POLA2: variants seen among roughly 807,000 people sequenced by gnomAD.
POLA2 encodes the protein DNA polymerase alpha subunit B.
In POLA2, 47 loss-of-function variants were observed where a neutral mutation model predicts 82.8. The ratio of observed to expected loss-of-function variants is 0.57; its 90% CI spans 0.45 to 0.72. The LOEUF is 0.72. POLA2 is among the 30% of genes least tolerant of loss of function. The pLI is 0.00. For missense variants in POLA2, 634 were observed against 728.1 expected (o/e 0.87, Z 1.49); for synonymous variants, 287 against 286.8 (o/e 1.00, Z -0.01).
intron 13 of POLA2, among the ~76,000 whole-genome samples, chr11:65,293,891 GA>G (rs1398925321): frequency 1.1e-4 from 17 of 152,252 alleles, no homozygotes; most frequent in African/African-American, 2.9e-4. Flanking sequence ...CCTCTCAGTA[GA>G]AAGCCACACA....
At chr11:65,294,291 C>T (rs774276544) in intron 14 of POLA2, 30 bp downstream of exon 14, 2 of 1,552,554 alleles carry the variant, frequency 1.3e-6, no homozygotes, top group East Asian at 2.2e-5. Context: ...GACCAGCAGG[C>T]AGCCAGAATC....
intron 4 of POLA2, among the ~76,000 whole-genome samples, chr11:65,275,204 C>T (rs944453321): frequency 6.6e-6 from 1 of 152,118 alleles, no homozygotes. Context: ...AGCCCTAGGG[C>T]AGGGAAAGCT....
chr11:65,276,326 G>T (rs970881391), intron 5 of POLA2, among the ~76,000 whole-genome samples: 2 of 151,994 alleles, frequency 1.3e-5, no homozygotes, highest in African/African-American at 4.8e-5. Context: ...GTCAGTAGAG[G>T]CAAGTAGGTT....
In POLA2 at chr11:65,267,527, T is replaced by A. The variant is rs1949474354; in HGVS notation, c.255T>A (p.Ser85Arg). 1 of 1,612,500 alleles carries A rather than the reference T, an allele frequency of 6.2e-7. No individual in the cohort carries two copies. Residue 85 changes from serine (S) to arginine (R), a missense_variant, in exon 3 of 18, where the codon AGT (serine) becomes AGA (arginine). Physicochemically the swap from Ser to Arg is moderately radical, Grantham distance 110 (BLOSUM62 -1). Transcript: ENST00000265465. Reference sequence around the variant, plus strand: ...CCAGGCATAGTACCTGCAAGGACAGTGGCCATGCAGGAGCTAGAGACATTG... The same window carrying A: ...CCAGGCATAGTACCTGCAAGGACAGAGGCCATGCAGGAGCTAGAGACATTG... ...SKARHSTCKD[S>R]GHAGARDIVS...
rs775224583 is a variant in POLA2, at chr11:65,278,925, T to TGA, written c.655+3_655+4dup. 76 of 1,611,882 alleles carry TGA rather than the reference T, an allele frequency of 4.7e-5. No individual in the cohort carries two copies. Among genetic ancestry groups the TGA allele is most frequent in the Non-Finnish European group, 6.0e-5 (71 of 1,179,504 alleles). On this transcript the variant is annotated splice_region_variant and intron_variant, in intron 6 of 17. Coordinates refer to ENST00000265465, the MANE Select transcript of POLA2 (RefSeq NM_002689.4). Reference sequence around the variant, plus strand: ...AGAAGCTCCCAGACATTCGAGAAGGTGATTGTTTTTCCCTTTGAAATTCTG... The same window carrying TGA: ...AGAAGCTCCCAGACATTCGAGAAGGTGAGATTGTTTTTCCCTTTGAAATTCTG...
chr11:65,301,946 C>T (rs1949861274), downstream of POLA2, among the ~76,000 whole-genome samples: 1 of 152,180 alleles, frequency 6.6e-6, no homozygotes, highest in Non-Finnish European at 1.5e-5. Context: ...GCCCTCAGAC[C>T]CAGCTGGACT....
chr11:65,272,245 G>T (rs995767107), intron 4 of POLA2, among the ~76,000 whole-genome samples: 1 of 152,148 alleles, frequency 6.6e-6, no homozygotes, highest in Non-Finnish European at 1.5e-5. Flanking sequence ...GGAGGCGGAG[G>T]TTGCAGTGAG....
At chr11:65,281,922 CTT>C (rs1177555123) in intron 9 of POLA2, among the ~76,000 whole-genome samples, 190 bp downstream of exon 9, 1 of 152,192 alleles carries the variant, frequency 6.6e-6, no homozygotes, top group Non-Finnish European at 1.5e-5. Context: ...GACAGTAACT[CTT>C]TTAGACTTTG....
At chr11:65,279,659 A>T in intron 7 of POLA2, 33 bp downstream of exon 7, 1 of 1,433,614 alleles carries the variant, frequency 7.0e-7, no homozygotes, top group Non-Finnish European at 9.7e-7. Flanking sequence ...TCACTAATTA[A>T]TATTACGTTT....
Position 65,278,899 on chromosome 11 carries a change from C to A in POLA2, c.631C>A (p.Gln211Lys). 6.2e-7 allele frequency: 1 copy of A among 1,613,396 alleles called. No homozygotes were observed. Among genetic ancestry groups the A allele is most frequent in the Non-Finnish European group, 8.5e-7 (1 of 1,179,958 alleles). Residue 211 changes from glutamine (Q) to lysine (K), a missense_variant, in exon 6 of 18, where the codon CAG becomes AAG. Coordinates refer to ENST00000265465, the MANE Select transcript of POLA2 (RefSeq NM_002689.4). Reference sequence around the variant, plus strand: ...AACTGGGAGCTACAAATCCATGTTTCAGAAGCTCCCAGACATTCGAGAAGG... The same window carrying A: ...AACTGGGAGCTACAAATCCATGTTTAAGAAGCTCCCAGACATTCGAGAAGG... ...ALTGSYKSMF[Q>K]KLPDIREVLT...
intron 4 of POLA2, among the ~76,000 whole-genome samples, chr11:65,272,137 C>G (rs1253055435): frequency 6.6e-6 from 1 of 152,030 alleles, no homozygotes; most frequent in African/African-American, 2.4e-5. Flanking sequence ...TGGTGAAACC[C>G]CATCGCTACA....
chr11:65,300,844 A>G (rs2137618436), downstream of POLA2, among the ~76,000 whole-genome samples: 1 of 152,250 alleles, frequency 6.6e-6, no homozygotes, highest in Middle Eastern at 3.4e-3. Flanking sequence ...GGCTTCCCAG[A>G]GTGTTGGGAT....
intron 4 of POLA2, among the ~76,000 whole-genome samples, chr11:65,271,763 C>T (rs1487687300): frequency 1.3e-5 from 2 of 149,734 alleles, no homozygotes; most frequent in African/African-American, 2.5e-5. Flanking sequence ...CGCTTGAACC[C>T]GGGAGGTGGA....
chr11:65,298,897 C>T (rs529601449), downstream of POLA2, among the ~76,000 whole-genome samples: 1 of 152,254 alleles, frequency 6.6e-6, no homozygotes, highest in African/African-American at 2.4e-5. Context: ...GGATACCAGT[C>T]GTGTGACTGT....
At chr11:65,283,132 TAAAAA>T (rs1237788857) in intron 10 of POLA2, among the ~76,000 whole-genome samples, 4 of 152,196 alleles carry the variant, frequency 2.6e-5, no homozygotes, top group African/African-American at 9.6e-5. Flanking sequence ...CTCTGACTCT[TAAAAA>T]AAATTAAAAT....
intron 4 of POLA2, among the ~76,000 whole-genome samples, chr11:65,273,309 G>A (rs984338369): frequency 2.0e-5 from 3 of 152,132 alleles, no homozygotes; most frequent in African/African-American, 4.8e-5. Context: ...GCAACCCTCC[G>A]TCTCAAAAAA....
chr11:65,263,075 G>A (rs1464417736), intron 1 of POLA2, among the ~76,000 whole-genome samples: 1 of 151,978 alleles, frequency 6.6e-6, no homozygotes, highest in African/African-American at 2.4e-5. Flanking sequence ...TTCTAGAATC[G>A]GTATGAATGT....
intron 13 of POLA2, among the ~76,000 whole-genome samples, chr11:65,293,343 C>T (rs966364233): frequency 6.6e-6 from 1 of 152,070 alleles, no homozygotes; most frequent in Non-Finnish European, 1.5e-5. Flanking sequence ...GGTGTGGTGG[C>T]TCACACATGT....
intron 1 of POLA2, among the ~76,000 whole-genome samples, chr11:65,262,790 G>T (rs1051357099): frequency 6.6e-6 from 1 of 152,134 alleles, no homozygotes; most frequent in African/African-American, 2.4e-5. Context: ...TTAAACCTCT[G>T]CTGATCCATC....
Sources: gnomAD v4.1 joint callset for allele counts (sites outside exome capture counted in the v4.1 genomes callset) on GRCh38, gnomAD v4.1.1 for gene constraint, MANE v1.5 for transcripts, NCBI Gene and HGNC (gene_info 2026-07-23, HGNC 2026-07-21) for gene names.